Variants in GINS4 observed in about 807,000 individuals in gnomAD.
GINS4 encodes the protein DNA replication complex GINS protein SLD5.
A neutral mutation model predicts 31.1 loss-of-function variants in GINS4; 20 were observed. That is an observed-to-expected ratio of 0.64 (90% CI 0.45 to 0.93). GINS4 has a LOEUF of 0.93. Among genes scored for constraint, GINS4 ranks in the 40% least tolerant of loss-of-function variants. GINS4 has a pLI of 0.00. For missense variants in GINS4, 245 were observed against 273.9 expected (o/e 0.89, Z 0.75); for synonymous variants, 85 against 97.9 (o/e 0.87, Z 0.78).
In GINS4 at chr8:41,537,253, G is replaced by T. The variant is rs375701440; in HGVS notation, c.257G>T (p.Arg86Leu). 1.2e-6 allele frequency: 2 copies of T among 1,613,876 alleles called. No individual in the cohort carries two copies. The highest frequency in any genetic ancestry group is 1.7e-6 in the Non-Finnish European group (2 of 1,179,828). Reference protein sequence around the residue: ...SIHQMEMERIRYVLSSYLRCR... With the variant: ...SIHQMEMERILYVLSSYLRCR... ...CACCAAATGGAGATGGAGAGGATCC[G>T]CTACGTCCTCAGCAGCTACTTGCGG... The change falls in exon 4 of 8, where the codon CGC (arginine) becomes CTC (leucine). Residue 86 changes from arginine (R) to leucine (L), a missense_variant. Coordinates refer to ENST00000276533, the MANE Select transcript of GINS4 (RefSeq NM_032336.3).
rs957139556 is a variant in GINS4, at chr8:41,529,345, C to G, written c.-71C>G. ...CCCGACTGCGTCCCCACGAACGCCC[C>G]GTCCTTACCGCCGGCTGCTGTGGAG... is the stretch of plus-strand genomic sequence containing the variant. On this transcript the variant is annotated 5_prime_UTR_variant, in exon 1 of 8. Coordinates refer to ENST00000276533, the MANE Select transcript of GINS4 (RefSeq NM_032336.3). 1.3e-5 allele frequency: 2 copies of G among 153,216 alleles called. No homozygotes were observed. The highest frequency in any genetic ancestry group is 2.9e-5 in the Non-Finnish European group (2 of 68,886). 9.5% of individuals were successfully genotyped at this position (153,216 alleles called of 1,614,324 possible).
chr8:41,541,788 A>T (rs1402412106), intron 6 of GINS4, 21 bp from the exon 7 acceptor site: 3 of 1,594,690 alleles, frequency 1.9e-6, no homozygotes, highest in South Asian at 1.1e-5. Context: ...TTTCCTAATC[A>T]CATTGTTGTT....
rs1218545481 is a variant in GINS4, at chr8:41,542,919, GCT to G, written c.*836_*837del. On this transcript the variant is annotated 3_prime_UTR_variant, in exon 8 of 8. Coordinates refer to ENST00000276533, the MANE Select transcript of GINS4 (RefSeq NM_032336.3). ...CTGCACACTTGGCGGAGCAGCAGAGGCTCTCAGCACGCCTTTTCCCTTTGTAG... is the reference window on the plus strand; with the variant it reads ...CTGCACACTTGGCGGAGCAGCAGAGGCTCAGCACGCCTTTTCCCTTTGTAG... The G allele has an allele frequency of 6.6e-6, 1 of 152,246 alleles. No homozygotes were observed. The highest frequency in any genetic ancestry group is 2.4e-5 in the African/African-American group (1 of 41,456). 9.4% of individuals were successfully genotyped at this position (152,246 alleles called of 1,614,324 possible).
At position 41,543,888 on chromosome 8, in the gene GINS4, G is replaced by T. The variant is rs1373290547; in HGVS notation, c.*1801G>T. On this transcript the variant is annotated 3_prime_UTR_variant, in exon 8 of 8. Coordinates refer to ENST00000276533, the MANE Select transcript of GINS4 (RefSeq NM_032336.3). ...ACCCAACTAATTTTTTGTATTTTTAGTAGAGATGGGGTTTCATGATGTTGG... is the reference window on the plus strand; with the variant it reads ...ACCCAACTAATTTTTTGTATTTTTATTAGAGATGGGGTTTCATGATGTTGG... 1 of 152,110 alleles carries T rather than the reference G, an allele frequency of 6.6e-6. No homozygotes were observed. The highest frequency in any genetic ancestry group is 1.5e-5 in the Non-Finnish European group (1 of 68,054). The allele number at this position is 152,110 out of a possible 1,614,324, so 9.4% of individuals were successfully genotyped here.
chr8:41,531,140 C>T (rs1464081005), intron 2 of GINS4, among the ~76,000 whole-genome samples: 4 of 152,158 alleles, frequency 2.6e-5, no homozygotes, highest in African/African-American at 4.8e-5. Context: ...GATGTGGTGG[C>T]GCATGCCTGT....
At chr8:41,540,266 G>A (rs574564446) in intron 6 of GINS4, 4 of 512,484 alleles carry the variant, frequency 7.8e-6, no homozygotes, top group East Asian at 3.6e-5. Context: ...ATGGAGCCGC[G>A]TTCGCCTTCA....
intron 1 of GINS4, chr8:41,529,856 G>A (rs773366832): frequency 1.0e-5 from 2 of 196,002 alleles, no homozygotes; most frequent in Non-Finnish European, 1.1e-5. Context: ...ATTCGTATTT[G>A]AACTAAAACG....
chr8:41,541,792 T>G lies in GINS4; in HGVS notation c.485-17T>G. 4 of 1,604,094 alleles carry G rather than the reference T, an allele frequency of 2.5e-6. No individual in the cohort carries two copies. The African/African-American group carries it at 5.3e-5, about 21-fold the overall frequency. ...TTGGCCGAGGATTTCCTAATCACAT[T>G]GTTGTTTTCCTGGCAGTTCCCAAAC... On this transcript the variant is annotated splice_polypyrimidine_tract_variant and intron_variant, in intron 6 of 7. Transcript: ENST00000276533.
rs759278470 is a variant in GINS4 at position 41,536,497 on chromosome 8, T to G, written c.183+51T>G. 16 of 1,121,406 alleles carry G rather than the reference T, an allele frequency of 1.4e-5. No homozygotes were observed. In the African/African-American group the frequency reaches 2.3e-4, roughly 16 times the overall value. The allele number at this position is 1,121,406 out of a possible 1,614,324, so 69.5% of individuals were successfully genotyped here. On this transcript the variant is annotated intron_variant, in intron 3 of 7. Transcript: ENST00000276533. ...CAAAGGAGGAGAAAGGTAAAAGCAT[T>G]TGGTCAGCACACTGAGAGCTTGTGG...
chr8:41,544,397 T>A lies in GINS4; in HGVS notation c.*2310T>A, dbSNP rs1262081542. On this transcript the variant is annotated 3_prime_UTR_variant, in exon 8 of 8. Coordinates refer to ENST00000276533, the MANE Select transcript of GINS4 (RefSeq NM_032336.3). ...CTGAGATCAGAACCCAAGTCTGCAC[T>A]TCCTAGTCACGTTCTCCCTGTAGTG... The A allele has an allele frequency of 2.0e-5, 3 of 152,254 alleles. No individual in the cohort carries two copies. The highest frequency in any genetic ancestry group is 2.0e-4 in the Admixed American group (3 of 15,282). The allele number at this position is 152,254 out of a possible 1,614,324, so 9.4% of individuals were successfully genotyped here. A position where few individuals can be genotyped will look rare whatever the true frequency, so the allele number is the denominator to read the frequency against.
rs1806907585 is a variant in GINS4, at chr8:41,544,998, A to G, written c.*2911A>G. ...TCAAGAGAAGACTGGTTTTGATGTC[A>G]TTTTTAAATAAAGGAGAAGTTGAAT... is the stretch of plus-strand genomic sequence containing the variant. On this transcript the variant is annotated 3_prime_UTR_variant, in exon 8 of 8. Transcript: ENST00000276533. The G allele has an allele frequency of 6.6e-6, 1 of 152,200 alleles. No homozygotes were observed. The highest frequency in any genetic ancestry group is 1.9e-4 in the East Asian group (1 of 5,200). 9.4% of individuals were successfully genotyped at this position (152,200 alleles called of 1,614,324 possible).
chr8:41,536,932 T>G lies in GINS4; in HGVS notation c.184-248T>G, dbSNP rs1806749560. On this transcript the variant is annotated intron_variant, in intron 3 of 7. Transcript: ENST00000276533. The stretch of plus-strand genomic sequence containing the variant: ...TTAGACCCAATGGAAGTTTCGTCTG[T>G]GTGCTGTACTATCTCCCTTACAATC... 6.7e-6 allele frequency: 3 copies of G among 450,266 alleles called. No homozygotes were observed. In the Admixed American group the frequency reaches 1.1e-4, roughly 17 times the overall value. The allele number at this position is 450,266 out of a possible 1,614,324, so 27.9% of individuals were successfully genotyped here. A position where few individuals can be genotyped will look rare whatever the true frequency, so the allele number is the denominator to read the frequency against.
At chr8:41,537,882 G>T (rs34652017) in intron 4 of GINS4, 2 of 151,888 alleles carry the variant, frequency 1.3e-5, no homozygotes, top group African/African-American at 4.8e-5. Context: ...TTAGCCAGGC[G>T]TGGCGGCAGG....
chr8:41,542,841 C>T lies in GINS4; in HGVS notation c.*754C>T, dbSNP rs1806867791. The T allele has an allele frequency of 6.6e-6, 1 of 152,384 alleles. No individual in the cohort carries two copies. 9.4% of individuals were successfully genotyped at this position (152,384 alleles called of 1,614,324 possible). ...CAGGATTGCTTGTGTTGCTGCATGT[C>T]CTGTCTGCTGTTTTAGCCCGTGTCA... On this transcript the variant is annotated 3_prime_UTR_variant, in exon 8 of 8. Transcript: ENST00000276533.
rs771487958 is a variant in GINS4 at position 41,539,729 on chromosome 8, G to C, written c.349G>C (p.Gly117Arg). ...VLEKEKTRPE[G>R]EPSSLSPEEL... ...TGAGAAGGAAAAAACACGTCCTGAG[G>C]GGGAGCCTTCCAGCCTCTCGCCGGA... Residue 117 changes from glycine to arginine, a missense_variant, in exon 5 of 8, where the codon GGG (glycine) becomes CGG (arginine). Gly to Arg is a moderately radical substitution (Grantham distance 125, BLOSUM62 -2). Coordinates refer to ENST00000276533, the MANE Select transcript of GINS4 (RefSeq NM_032336.3). 1.3e-5 allele frequency: 21 copies of C among 1,614,084 alleles called. No homozygotes were observed. The highest frequency in any genetic ancestry group is 1.7e-5 in the Non-Finnish European group (20 of 1,180,040).
At position 41,539,928 on chromosome 8, in the gene GINS4, C is replaced by T; in HGVS notation, c.408C>T (p.Asn136=). Residue 136 remains asparagine, a synonymous_variant, in exon 6 of 8, where the codon AAC becomes AAT. Transcript: ENST00000276533. ...CCATGTCTTTCAGGTTCATGGCGAA[C>T]ACAGAGTCCTATCTGAAAAATGTCG... ...ELAFAREFMA[N]TESYLKNVAL... is the part of the protein sequence containing the mutation. The T allele has an allele frequency of 1.9e-6, 3 of 1,614,042 alleles. No homozygotes were observed. The highest frequency in any genetic ancestry group is 2.5e-6 in the Non-Finnish European group (3 of 1,179,916).
intron 4 of GINS4, among the ~76,000 whole-genome samples, chr8:41,538,961 A>C (rs1429425751): frequency 1.3e-5 from 2 of 151,614 alleles, no homozygotes; most frequent in Non-Finnish European, 2.9e-5. Flanking sequence ...GGCCTCCCAA[A>C]GTGCGGGGAT....
Position 41,530,254 on chromosome 8 carries a change from G to A in GINS4, c.52G>A (p.Glu18Lys). The A allele has an allele frequency of 6.2e-7, 1 of 1,614,058 alleles. No homozygotes were observed. The highest frequency in any genetic ancestry group is 8.5e-7 in the Non-Finnish European group (1 of 1,179,910). The change falls in exon 2 of 8, where the codon GAA becomes AAA. Residue 18 changes from glutamate to lysine, a missense_variant. Physicochemically the swap from Glu to Lys is moderately conservative, Grantham distance 56. Coordinates refer to ENST00000276533, the MANE Select transcript of GINS4 (RefSeq NM_032336.3). ...LGQDSDGGSE[E>K]VVLTPAELIE... The stretch of plus-strand genomic sequence containing the variant: ...ACAGGACTCTGATGGGGGTAGTGAG[G>A]AAGTGGTCCTAACTCCTGCAGAGCT...
At chr8:41,534,277 T>C (rs900116860) in intron 2 of GINS4, 7 of 427,670 alleles carry the variant, frequency 1.6e-5, no homozygotes, top group Non-Finnish European at 3.3e-5. Flanking sequence ...CTTTGTGGTA[T>C]GTACCTTTAG....
Sources: gnomAD v4.1 joint callset for allele counts (sites outside exome capture counted in the v4.1 genomes callset) on GRCh38, gnomAD v4.1.1 for gene constraint, MANE v1.5 for transcripts, NCBI Gene and HGNC (gene_info 2026-07-23, HGNC 2026-07-21) for gene names.